Variants in KCNN3 observed in about 807,000 individuals in gnomAD.
The protein encoded by KCNN3 is potassium calcium-activated channel subfamily N member 3.
KCNN3 carries 16 observed loss-of-function variants against 62.9 expected under a neutral mutation model. The observed-to-expected ratio is 0.25, with a 90% CI of 0.17 to 0.39. The LOEUF (loss-of-function observed/expected upper bound fraction) is 0.39. KCNN3 is among the 10% of genes least tolerant of loss of function. KCNN3 has a pLI of 1.00. For missense variants in KCNN3, 599 were observed against 949.4 expected, an observed-to-expected ratio of 0.63 and a Z score of 4.85; for synonymous variants, 370 against 389.2, an observed-to-expected ratio of 0.95 and a Z score of 0.58.
At position 154,862,688 on chromosome 1, in the gene KCNN3, C is replaced by T. The variant is rs1248300452; in HGVS notation, c.933+6344G>A. ...ACCTTGGGCCAGTCCACAATCTCAC[C>T]CTGATCCCAGGCCAACCTGGGGTGC... On this transcript the variant is annotated intron_variant, in intron 1 of 7. Coordinates refer to ENST00000271915, the MANE Select transcript of KCNN3 (RefSeq NM_002249.6). This position sits in a 1 kb window ranked among gnomAD's most constrained non-coding sequence, Gnocchi z 4.1. 6.6e-6 allele frequency among the ~76,000 whole-genome samples: 1 copy of T among 152,086 alleles called. No individual in the cohort carries two copies. Among genetic ancestry groups the T allele is most frequent in the Admixed American group, 6.5e-5 (1 of 15,270 alleles).
rs1482514322 is a variant in KCNN3, at chr1:154,809,963, G to A, written c.1029+12126C>T. 6.6e-6 allele frequency among the ~76,000 whole-genome samples: 1 copy of A among 152,214 alleles called. No homozygotes were observed. On this transcript the variant is annotated intron_variant, in intron 2 of 7. Transcript: ENST00000271915. This position sits in a 1 kb window ranked among gnomAD's most constrained non-coding sequence, Gnocchi z 4.3. Reference sequence around the variant, plus strand: ...CTTCTGTACTGACCTGATCCCAGTGGTGTGTAAGGGTCAGTGTGTCACCAG... The same window carrying A: ...CTTCTGTACTGACCTGATCCCAGTGATGTGTAAGGGTCAGTGTGTCACCAG...
chr1:154,715,643 C>G (rs1700219108), intron 5 of KCNN3, among the ~76,000 whole-genome samples: 2 of 150,716 alleles, frequency 1.3e-5, no homozygotes, highest in African/African-American at 4.9e-5. Context: ...TTGATTATTT[C>G]AATACTATCT....
intron 1 of KCNN3, among the ~76,000 whole-genome samples, chr1:154,864,098 C>CA (rs1308614604): frequency 6.6e-6 from 1 of 152,222 alleles, no homozygotes; most frequent in East Asian, 1.9e-4. Context: ...CCTGTGAAGA[C>CA]AAAATGTGTG....
At chr1:154,775,011 G>A (rs868350981) in intron 2 of KCNN3, among the ~76,000 whole-genome samples, 10 of 152,376 alleles carry the variant, frequency 6.6e-5, no homozygotes, top group South Asian at 2.1e-4. Flanking sequence ...CTGGATCAGC[G>A]TGGATTTGCG....
rs1224409735 is a variant in KCNN3 at position 154,701,432 on chromosome 1, A to G, written c.*6544T>C. ...AAATCTTTATTCTGTAACCGAACAC[A>G]TCCTGTTTTCATCTAGAAGTAGTGC... On this transcript the variant is annotated 3_prime_UTR_variant, in exon 8 of 8. Coordinates refer to ENST00000271915, the MANE Select transcript of KCNN3 (RefSeq NM_002249.6). The G allele has an allele frequency of 1.3e-5, 2 of 152,184 alleles. No homozygotes were observed. Among genetic ancestry groups the G allele is most frequent in the Non-Finnish European group, 2.9e-5 (2 of 68,032 alleles). The allele number at this position is 152,184 out of a possible 1,614,324, so 9.4% of individuals were successfully genotyped here.
intron 3 of KCNN3, chr1:154,737,207 G>T (rs10714575): frequency 0.025 from 433 of 17,316 alleles, 3 homozygotes; most frequent in African/African-American, 0.069. Flanking sequence ...TAGAAAATTT[G>T]GGGGGGGGGG....
Position 154,869,733 on chromosome 1 carries a change from G to GCTGCTGCTGCTGCTA in KCNN3, c.231_232insTAGCAGCAGCAGCAG (p.Gln77_Gln78insTer), listed in dbSNP as rs1259562582. 6.6e-7 allele frequency: 1 copy of GCTGCTGCTGCTGCTA among 1,523,740 alleles called. No homozygotes were observed. The allele number at this position is 1,523,740 out of a possible 1,614,324, so 94.4% of individuals were successfully genotyped here. A position where few individuals can be genotyped will look rare whatever the true frequency, so the allele number is the denominator to read the frequency against. On this transcript the variant is annotated stop_gained and inframe_insertion, in exon 1 of 8. Coordinates refer to ENST00000271915, the MANE Select transcript of KCNN3 (RefSeq NM_002249.6). LOFTEE classifies it high-confidence loss of function. This position sits in a 1 kb window ranked among gnomAD's most constrained non-coding sequence, Gnocchi z 6.1. ...GACAGGGGATGCGGTGGCTGCTGCTGCTGCTGCTGCTGCTGCTGCTGCTGC... is the reference window on the plus strand; with the variant it reads ...GACAGGGGATGCGGTGGCTGCTGCTGCTGCTGCTGCTGCTACTGCTGCTGCTGCTGCTGCTGCTGC...
rs1434150518 is a variant in KCNN3 at position 154,699,287 on chromosome 1, A to G, written c.*8689T>C. ...TAGAACCTCTCTATGTAAAGGTCTC[A>G]CTAAACAAATAAACATAGGACCAGA... On this transcript the variant is annotated 3_prime_UTR_variant, in exon 8 of 8. Transcript: ENST00000271915. 6.6e-6 allele frequency: 1 copy of G among 152,018 alleles called. No individual in the cohort carries two copies. The highest frequency in any genetic ancestry group is 2.4e-5 in the African/African-American group (1 of 41,380). The allele number at this position is 152,018 out of a possible 1,614,324, so 9.4% of individuals were successfully genotyped here.
intron 1 of KCNN3, among the ~76,000 whole-genome samples, chr1:154,858,516 A>G (rs949972401): frequency 6.6e-6 from 1 of 152,214 alleles, no homozygotes; most frequent in Non-Finnish European, 1.5e-5. Flanking sequence ...AGAACAACAC[A>G]TCTGGCTGGG....
At chr1:154,775,404 C>T (rs987448065) in intron 2 of KCNN3, among the ~76,000 whole-genome samples, 5 of 152,112 alleles carry the variant, frequency 3.3e-5, no homozygotes, top group African/African-American at 1.2e-4. Flanking sequence ...CTTACCTTGC[C>T]GAGCCTCAGT....
chr1:154,742,487 T>C (rs758593021), intron 3 of KCNN3, among the ~76,000 whole-genome samples: 1 of 152,172 alleles, frequency 6.6e-6, no homozygotes, highest in Non-Finnish European at 1.5e-5. Flanking sequence ...AGAGAGTTAC[T>C]GTGAGGGTTA....
At position 154,809,430 on chromosome 1, in the gene KCNN3, C is replaced by G. The variant is rs879736030; in HGVS notation, c.1029+12659G>C. 6.6e-6 allele frequency among the ~76,000 whole-genome samples: 1 copy of G among 152,194 alleles called. No homozygotes were observed. The highest frequency in any genetic ancestry group is 1.5e-5 in the Non-Finnish European group (1 of 68,032). ...GGTGGGAGGGCACATAAAACTACAACCTCACAGGAGGCCACAAAACTTTTA... is the reference window on the plus strand; with the variant it reads ...GGTGGGAGGGCACATAAAACTACAAGCTCACAGGAGGCCACAAAACTTTTA... On this transcript the variant is annotated intron_variant, in intron 2 of 7. Transcript: ENST00000271915. The surrounding 1 kb of genome is among the most constrained non-coding windows in gnomAD (Gnocchi z 4.3).
intron 1 of KCNN3, among the ~76,000 whole-genome samples, chr1:154,822,679 G>A (rs548886176): frequency 1.3e-5 from 2 of 152,336 alleles, no homozygotes; most frequent in East Asian, 1.9e-4. Context: ...TGAATGTCCC[G>A]GCAGCTGCTC....
chr1:154,739,670 G>A (rs1700788481), intron 3 of KCNN3, among the ~76,000 whole-genome samples: 1 of 152,182 alleles, frequency 6.6e-6, no homozygotes. Flanking sequence ...ATAGAGTATG[G>A]CAGAAGTGAT....
chr1:154,787,550 T>C (rs1649336024), intron 2 of KCNN3, among the ~76,000 whole-genome samples: 1 of 152,172 alleles, frequency 6.6e-6, no homozygotes, highest in South Asian at 2.1e-4. Context: ...GATATGGCTA[T>C]GGAGAGGGCC....
intron 3 of KCNN3, among the ~76,000 whole-genome samples, chr1:154,758,852 G>C (rs928078318): frequency 6.6e-6 from 1 of 151,872 alleles, no homozygotes; most frequent in African/African-American, 2.4e-5. Context: ...CTGTTGCCCA[G>C]GCTGGAGTGC....
At chr1:154,771,355 G>A (rs1429924748) in intron 3 of KCNN3, among the ~76,000 whole-genome samples, 1 of 152,168 alleles carries the variant, frequency 6.6e-6, no homozygotes, top group African/African-American at 2.4e-5. Flanking sequence ...TGTTCCATCA[G>A]TACAGTGCTT....
At position 154,779,730 on chromosome 1, in the gene KCNN3, G is replaced by A. The variant is rs991710094; in HGVS notation, c.1030-7337C>T. On this transcript the variant is annotated intron_variant, in intron 2 of 7. Transcript: ENST00000271915. ...GCAGTGGACCTTGTTGGCAAATGCT[G>A]AGGGTAAATGGATTCGCTGGCAGCT... Among the ~76,000 whole-genome samples, 13 of 152,306 alleles carry A rather than the reference G, an allele frequency of 8.5e-5. 1 individual carries two copies. Among genetic ancestry groups the A allele is most frequent in the Admixed American group, 7.8e-4 (12 of 15,300 alleles).
intron 1 of KCNN3, among the ~76,000 whole-genome samples, chr1:154,863,582 A>C (rs1652849214): frequency 6.6e-6 from 1 of 152,100 alleles, no homozygotes; most frequent in Admixed American, 6.5e-5. Context: ...CTCTATTCTG[A>C]TCTTACATTT....
Sources: gnomAD v4.1 joint callset for allele counts (sites outside exome capture counted in the v4.1 genomes callset) on GRCh38, gnomAD v4.1.1 for gene constraint, Gnocchi (gnomAD v3.1) non-coding constraint, MANE v1.5 for transcripts, NCBI Gene and HGNC (gene_info 2026-07-23, HGNC 2026-07-21) for gene names.